The following TRIM16 variants were observed in gnomAD, a reference collection of about 807,000 sequenced individuals.
TRIM16 encodes the protein tripartite motif-containing protein 16.
TRIM16 carries 33 observed loss-of-function variants against 50.4 expected under a neutral mutation model. The observed-to-expected ratio is 0.65, with a 90% CI of 0.50 to 0.88. TRIM16 has a LOEUF of 0.88. TRIM16 is among the 40% of genes least tolerant of loss of function. TRIM16 has a pLI of 0.00. For synonymous variants in TRIM16, 229 were observed against 270.7 expected, an observed-to-expected ratio of 0.85 and a Z score of 1.51; for missense variants, 581 against 686.8, an observed-to-expected ratio of 0.85 and a Z score of 1.72.
chr17:15,663,986 C>T (rs1192401384), intron 6 of TRIM16, among the ~76,000 whole-genome samples: 1 of 152,200 alleles, frequency 6.6e-6, no homozygotes, highest in East Asian at 1.9e-4. Context: ...AGACAGACCA[C>T]AGCAAACCAT....
At chr17:15,673,429 A>G (rs920345949) in intron 6 of TRIM16, among the ~76,000 whole-genome samples, 2 of 152,214 alleles carry the variant, frequency 1.3e-5, no homozygotes, top group African/African-American at 4.8e-5. Context: ...TAAACAGAAG[A>G]GAAGGATAGG....
At chr17:15,680,838 A>G (rs2530099) in intron 4 of TRIM16, 27 bp downstream of exon 4, 2 of 1,523,838 alleles carry the variant, frequency 1.3e-6, no homozygotes, top group East Asian at 2.5e-5. Context: ...TAAAATTTCC[A>G]AGAAGAGAGG....
intron 7 of TRIM16, among the ~76,000 whole-genome samples, chr17:15,645,647 TAGAACTC>T (rs1987335767): frequency 6.6e-6 from 1 of 152,168 alleles, no homozygotes; most frequent in African/African-American, 2.4e-5. Context: ...TATGCCCTAA[TAGAACTC>T]AGAGAGCATA....
intron 6 of TRIM16, among the ~76,000 whole-genome samples, chr17:15,674,611 C>T (rs1253544647): frequency 6.6e-6 from 1 of 152,064 alleles, no homozygotes; most frequent in Non-Finnish European, 1.5e-5. Context: ...AGCTTGAATC[C>T]CTCAAGCCCA....
intron 6 of TRIM16, among the ~76,000 whole-genome samples, chr17:15,653,539 C>G (rs1442663508): frequency 6.6e-6 from 1 of 152,200 alleles, no homozygotes; most frequent in African/African-American, 2.4e-5. Context: ...CCTTGGCTTG[C>G]AGATGGCTTC....
intron 7 of TRIM16, among the ~76,000 whole-genome samples, chr17:15,647,013 C>G (rs1283765512): frequency 6.6e-6 from 1 of 151,018 alleles, no homozygotes. Flanking sequence ...GTCACCCAGG[C>G]TGGAGTGCAA....
intron 8 of TRIM16, among the ~76,000 whole-genome samples, chr17:15,639,106 GCA>G (rs1987001158): frequency 8.0e-6 from 1 of 125,230 alleles, no homozygotes. Flanking sequence ...GGTTGGAGTG[GCA>G]CAGTCTTGGC....
chr17:15,682,732 T>C (rs1989232629), intron 3 of TRIM16, 122 bp downstream of exon 3: 2 of 979,674 alleles, frequency 2.0e-6, no homozygotes, highest in Admixed American at 4.1e-5. Flanking sequence ...TTATCCCCCC[T>C]TATCCTTCAG....
chr17:15,633,196 AAAT>A (rs1374708572), intron 9 of TRIM16, among the ~76,000 whole-genome samples: 1 of 152,076 alleles, frequency 6.6e-6, no homozygotes, highest in Non-Finnish European at 1.5e-5. Context: ...GTAAGTTTTG[AAAT>A]AACGTGTGAT....
intron 6 of TRIM16, among the ~76,000 whole-genome samples, chr17:15,669,960 G>A (rs1880258028): frequency 2.0e-5 from 3 of 152,158 alleles, no homozygotes; most frequent in Admixed American, 1.3e-4. Flanking sequence ...TCTCCTGGAG[G>A]GGGAAAATCT....
rs1986659165 is a variant in TRIM16, at chr17:15,634,992, C to T, written c.849+1044G>A. 2.7e-5 allele frequency among the ~76,000 whole-genome samples: 4 copies of T among 149,254 alleles called. No individual in the cohort carries two copies. In the South Asian group the frequency reaches 8.6e-4, roughly 32 times the overall value. ...TGAAAAGCAAAGAAACTGACAGACG[C>T]TTTGTTGGTGTTTTTGTCTGTCTTT... On this transcript the variant is annotated intron_variant, in intron 9 of 11. Coordinates refer to ENST00000649191, the MANE Select transcript of TRIM16 (RefSeq NM_001348119.1).
chr17:15,654,002 G>C (rs922209167), intron 6 of TRIM16, among the ~76,000 whole-genome samples: 1 of 152,216 alleles, frequency 6.6e-6, no homozygotes, highest in Non-Finnish European at 1.5e-5. Context: ...GAGAGAGATT[G>C]GGTGGAGGGG....
chr17:15,661,109 C>A (rs1254938998), intron 6 of TRIM16, among the ~76,000 whole-genome samples: 1 of 152,116 alleles, frequency 6.6e-6, no homozygotes, highest in African/African-American at 2.4e-5. Flanking sequence ...GAGTCCTGAT[C>A]CCAGCACCTT....
intron 7 of TRIM16, among the ~76,000 whole-genome samples, chr17:15,648,142 C>T (rs1370397353): frequency 6.6e-6 from 1 of 151,082 alleles, no homozygotes; most frequent in East Asian, 1.9e-4. Context: ...AGGAGAATGG[C>T]ATGAACCCGG....
chr17:15,671,748 C>T (rs1393583790), intron 6 of TRIM16, among the ~76,000 whole-genome samples: 1 of 151,752 alleles, frequency 6.6e-6, no homozygotes, highest in Non-Finnish European at 1.5e-5. Flanking sequence ...AGAATAAGGC[C>T]GGATATTAGT....
chr17:15,668,542 G>A (rs1348378119), intron 6 of TRIM16, among the ~76,000 whole-genome samples: 2 of 152,080 alleles, frequency 1.3e-5, no homozygotes, highest in Non-Finnish European at 2.9e-5. Flanking sequence ...GTGCTCCAGC[G>A]TCATTCCCCC....
intron 6 of TRIM16, among the ~76,000 whole-genome samples, chr17:15,652,455 C>CA (rs570985967): frequency 3.1e-5 from 2 of 65,396 alleles, no homozygotes; most frequent in Admixed American, 1.8e-4. Context: ...CGGTGCCCAC[C>CA]TTTTTTTTTT....
At chr17:15,653,844 G>A (rs549405601) in intron 6 of TRIM16, among the ~76,000 whole-genome samples, 3 of 152,316 alleles carry the variant, frequency 2.0e-5, no homozygotes, top group African/African-American at 7.2e-5. Flanking sequence ...GGTACACAGT[G>A]TACCCAGCGT....
At chr17:15,655,432 C>T (rs1987928405) in intron 6 of TRIM16, among the ~76,000 whole-genome samples, 1 of 152,154 alleles carries the variant, frequency 6.6e-6, no homozygotes, top group Non-Finnish European at 1.5e-5. Context: ...CTATGGCTAA[C>T]CCTTTTAGAG....
Sources: allele counts gnomAD v4.1 joint callset (sites outside exome capture counted in the v4.1 genomes callset), GRCh38; gene constraint gnomAD v4.1.1; transcripts MANE v1.5; gene names NCBI Gene and HGNC (gene_info 2026-07-23, HGNC 2026-07-21).